Variants in B4GALNT3 observed in about 807,000 individuals in gnomAD.
B4GALNT3 encodes beta-1,4-N-acetyl-galactosaminyltransferase 3.
In B4GALNT3, 86 loss-of-function variants were observed where a neutral mutation model predicts 120.2. The observed-to-expected ratio is 0.72, with a 90% confidence interval of 0.60 to 0.86. B4GALNT3 has a LOEUF of 0.86. B4GALNT3 is among the 40% of genes least tolerant of loss of function. The pLI, the probability that B4GALNT3 is intolerant of heterozygous loss-of-function variation, is 0.00. For missense variants in B4GALNT3, 1,167 were observed against 1,298.9 expected (o/e 0.90, Z 1.56); for synonymous variants, 518 against 510.4 (o/e 1.01, Z -0.20).
chr12:502,629 G>A (rs985302428), intron 1 of B4GALNT3, among the ~76,000 whole-genome samples: 8 of 152,230 alleles, frequency 5.3e-5, no homozygotes, highest in African/African-American at 1.9e-4. Flanking sequence ...AGCAAGGGAA[G>A]TTAAAATCTG....
intron 1 of B4GALNT3, 100 bp from the exon 2 acceptor site, chr12:535,066 G>A: frequency 7.4e-6 from 7 of 948,230 alleles, no homozygotes; most frequent in Non-Finnish European, 1.1e-5. Context: ...AGAGAGGTGA[G>A]AAGGGAAGAC....
chr12:507,509 C>T (rs189080648), intron 1 of B4GALNT3, among the ~76,000 whole-genome samples: 75 of 152,324 alleles, frequency 4.9e-4, no homozygotes, highest in Middle Eastern at 3.4e-3. Flanking sequence ...ATGTAAATGA[C>T]CTGACAGAGC....
At chr12:489,679 A>G (rs931381766) in intron 1 of B4GALNT3, among the ~76,000 whole-genome samples, 1 of 152,372 alleles carries the variant, frequency 6.6e-6, no homozygotes, top group South Asian at 2.1e-4. Flanking sequence ...GAAGACTTCA[A>G]CATCTCTCTA....
intron 1 of B4GALNT3, among the ~76,000 whole-genome samples, chr12:530,035 ACAAC>A (rs1946790825): frequency 1.4e-5 from 1 of 69,332 alleles, no homozygotes; most frequent in Non-Finnish European, 2.4e-5. Context: ...TGCCATTATT[ACAAC>A]TACTTAGGAG....
rs1373588066 is a variant in B4GALNT3 at position 562,467 on chromosome 12, C to A, written c.*1016C>A. 1 of 152,358 alleles carries A rather than the reference C, an allele frequency of 6.6e-6. No homozygotes were observed. The highest frequency in any genetic ancestry group is 2.4e-5 in the African/African-American group (1 of 41,434). The allele number at this position is 152,358 out of a possible 1,614,324, so 9.4% of individuals were successfully genotyped here. A position where few individuals can be genotyped will look rare whatever the true frequency, so the allele number is the denominator to read the frequency against. ...TGCCCTTCTGCAGGGAGAGCCCTGG[C>A]CACCCGGCCTTGAGTGGAAGAAGAG... is the stretch of plus-strand genomic sequence containing the variant. On this transcript the variant is annotated 3_prime_UTR_variant, in exon 20 of 20. Coordinates refer to ENST00000266383, the MANE Select transcript of B4GALNT3 (RefSeq NM_173593.4). This position sits in a 1 kb window ranked among gnomAD's most constrained non-coding sequence, Gnocchi z 5.2.
rs1946004305 is a variant in B4GALNT3 at position 460,049 on chromosome 12, TGAGGGCGGGCGCGCAGGGAGG to T, written c.-319_-299del. 7.1e-6 allele frequency among the ~76,000 whole-genome samples: 1 copy of T among 140,176 alleles called. No homozygotes were observed. Among genetic ancestry groups the T allele is most frequent in the Non-Finnish European group, 1.5e-5 (1 of 64,540 alleles). 92.0% of individuals were successfully genotyped at this position (140,176 alleles called of 152,430 possible). ...GGGAAGCCTCCTTCTGGGCAGCGAG[TGAGGGCGGGCGCGCAGGGAGG>T]GAGGGCGGCAGCGAGCCTGCGACGG... On this transcript the variant is annotated 5_prime_UTR_variant, in exon 1 of 20. Coordinates refer to ENST00000266383, the MANE Select transcript of B4GALNT3 (RefSeq NM_173593.4). The surrounding 1 kb of genome is among the most constrained non-coding windows in gnomAD (Gnocchi z 8.0).
chr12:544,816 A>C, intron 4 of B4GALNT3, 66 bp from the exon 5 acceptor site: 1 of 1,521,616 alleles, frequency 6.6e-7, no homozygotes, highest in Non-Finnish European at 9.1e-7. Context: ...TCTTCCCGCC[A>C]ATCCTGGCGG....
In B4GALNT3 at chr12:519,597, CT is replaced by C. The variant is rs33954082; in HGVS notation, c.170-15553del. 1.1e-3 allele frequency among the ~76,000 whole-genome samples: 152 copies of C among 134,136 alleles called. 1 individual carries two copies. The highest frequency in any genetic ancestry group is 2.3e-3 in the African/African-American group (83 of 35,828). The allele number at this position is 134,136 out of a possible 152,430, so 88.0% of individuals were successfully genotyped here. On this transcript the variant is annotated intron_variant, in intron 1 of 19. Coordinates refer to ENST00000266383, the MANE Select transcript of B4GALNT3 (RefSeq NM_173593.4). Reference sequence around the variant, plus strand: ...CAAAGCGTCTCTCTTTTCCTTTCTGCTTTTTTTTTTTTTTTTCCGGTAAGGA... The same window carrying C: ...CAAAGCGTCTCTCTTTTCCTTTCTGCTTTTTTTTTTTTTTTCCGGTAAGGA...
chr12:483,768 T>A (rs568071042), intron 1 of B4GALNT3, among the ~76,000 whole-genome samples: 28 of 152,316 alleles, frequency 1.8e-4, no homozygotes, highest in African/African-American at 6.7e-4. Flanking sequence ...CAACGGACAC[T>A]TTCTATTGTT....
intron 12 of B4GALNT3, 64 bp downstream of exon 12, chr12:552,227 C>A: frequency 7.0e-7 from 1 of 1,422,684 alleles, no homozygotes; most frequent in Non-Finnish European, 9.9e-7. Context: ...GCCAGGAGAG[C>A]TGCCTGGACC....
rs1211551792 is a variant in B4GALNT3 at position 561,482 on chromosome 12, C to G, written c.*31C>G. ...GGGTGTCCGCGGGGCCCAGCACTCCCCGCTCTGGACTAGCAGTGGCTCCCC... is the reference window on the plus strand; with the variant it reads ...GGGTGTCCGCGGGGCCCAGCACTCCGCGCTCTGGACTAGCAGTGGCTCCCC... On this transcript the variant is annotated 3_prime_UTR_variant, in exon 20 of 20. Coordinates refer to ENST00000266383, the MANE Select transcript of B4GALNT3 (RefSeq NM_173593.4). 1 of 1,529,076 alleles carries G rather than the reference C, an allele frequency of 6.5e-7. No homozygotes were observed. Among genetic ancestry groups the G allele is most frequent in the Non-Finnish European group, 9.0e-7 (1 of 1,112,770 alleles). 94.7% of individuals were successfully genotyped at this position (1,529,076 alleles called of 1,614,324 possible). A position where few individuals can be genotyped will look rare whatever the true frequency, so the allele number is the denominator to read the frequency against.
chr12:511,589 A>ACCTTCCG (rs199787413), intron 1 of B4GALNT3, among the ~76,000 whole-genome samples: 1 of 29,262 alleles, frequency 3.4e-5, no homozygotes. Flanking sequence ...TCCACCTTCC[A>ACCTTCCG]CCTTCCGCCT....
intron 1 of B4GALNT3, among the ~76,000 whole-genome samples, chr12:529,128 T>A (rs1330233640): frequency 6.6e-6 from 1 of 152,144 alleles, no homozygotes; most frequent in African/African-American, 2.4e-5. Context: ...TGCATACCCT[T>A]GCCCAGGGAC....
At position 556,701 on chromosome 12, in the gene B4GALNT3, C is replaced by T. The variant is rs759335521; in HGVS notation, c.2215C>T (p.Pro739Ser). 3 of 1,613,852 alleles carry T rather than the reference C, an allele frequency of 1.9e-6. No homozygotes were observed. The African/African-American group carries it at 4.0e-5, about 22-fold the overall frequency. ...VSARGWQGID[P>S]AGGEEVEARN... ...TGCACGAGGCTGGCAGGGCATCGAT[C>T]CAGCTGGTGGGGAGGAGGTCGAGGC... The change falls in exon 15 of 20, where the codon CCA becomes TCA. Residue 739 changes from proline (P) to serine (S), a missense_variant. Coordinates refer to ENST00000266383, the MANE Select transcript of B4GALNT3 (RefSeq NM_173593.4).
rs187970945 is a variant in B4GALNT3, at chr12:472,363, C to T, written c.169+11818C>T. Among the ~76,000 whole-genome samples, 240 of 152,358 alleles carry T rather than the reference C, an allele frequency of 1.6e-3. 1 individual carries two copies. The highest frequency in any genetic ancestry group is 5.3e-3 in the African/African-American group (222 of 41,580). Reference sequence around the variant, plus strand: ...TGGCATGATCATGGCTCGCTGCAGTCTCAAACTCTTGGACTCAAACAATCA... The same window carrying T: ...TGGCATGATCATGGCTCGCTGCAGTTTCAAACTCTTGGACTCAAACAATCA... On this transcript the variant is annotated intron_variant, in intron 1 of 19. Coordinates refer to ENST00000266383, the MANE Select transcript of B4GALNT3 (RefSeq NM_173593.4).
At chr12:513,347 G>T (rs1297517852) in intron 1 of B4GALNT3, among the ~76,000 whole-genome samples, 1 of 152,262 alleles carries the variant, frequency 6.6e-6, no homozygotes, top group Non-Finnish European at 1.5e-5. Context: ...AGCCCTGAAG[G>T]CTGCTGGTTG....
intron 1 of B4GALNT3, among the ~76,000 whole-genome samples, chr12:482,822 G>C (rs1946254330): frequency 6.6e-6 from 1 of 152,196 alleles, no homozygotes; most frequent in African/African-American, 2.4e-5. Context: ...GATAGAGCCT[G>C]TGAATTGCAA....
chr12:538,155 A>G (rs1377543656), intron 3 of B4GALNT3, among the ~76,000 whole-genome samples: 5 of 152,232 alleles, frequency 3.3e-5, no homozygotes, highest in East Asian at 1.9e-4. Context: ...TTATAGCGCC[A>G]TAACATTCTA....
At position 548,261 on chromosome 12, in the gene B4GALNT3, A is replaced by G; in HGVS notation, c.817A>G (p.Thr273Ala). 1 of 1,613,996 alleles carries G rather than the reference A, an allele frequency of 6.2e-7. No homozygotes were observed. Among genetic ancestry groups the G allele is most frequent in the Non-Finnish European group, 8.5e-7 (1 of 1,179,980 alleles). The change falls in exon 9 of 20, where the codon ACC (threonine) becomes GCC (alanine). Residue 273 changes from threonine to alanine, a missense_variant. This residue lies in a region of B4GALNT3 where 983 missense variants were observed against 1,102.5 expected (regional missense o/e 0.89). Coordinates refer to ENST00000266383, the MANE Select transcript of B4GALNT3 (RefSeq NM_173593.4). The surrounding 1 kb of genome is among the most constrained non-coding windows in gnomAD (Gnocchi z 4.9). ...ACGGAACGACCCTGGAGCCAAGTTC[A>G]CCATCATTGACTCCCTCTCCCTGTC... ...WRRNDPGAKF[T>A]IIDSLSLSLF...
Sources: allele counts gnomAD v4.1 joint callset (sites outside exome capture counted in the v4.1 genomes callset), GRCh38; gene constraint gnomAD v4.1.1; regional missense constraint gnomAD v4.1.1; non-coding constraint Gnocchi (gnomAD v3.1); transcripts MANE v1.5; gene names NCBI Gene and HGNC (gene_info 2026-07-23, HGNC 2026-07-21).